Variants in CDK19 observed in about 807,000 individuals in gnomAD.
CDK19 encodes the protein cyclin dependent kinase 19.
In CDK19, 20 loss-of-function variants were observed where a neutral mutation model predicts 68.3. The observed-to-expected ratio is 0.29, with a 90% CI of 0.21 to 0.43. The LOEUF (loss-of-function observed/expected upper bound fraction) is 0.43. Among genes scored for constraint, CDK19 ranks in the 20% least tolerant of loss-of-function variants. The probability of loss-of-function intolerance (pLI) is 1.00; values close to 1 mark genes in which losing one functional copy is unlikely to be tolerated. For synonymous variants in CDK19, 221 were observed against 222.8 expected, an observed-to-expected ratio of 0.99 and a Z score of 0.07; for missense variants, 339 against 623.5, an observed-to-expected ratio of 0.54 and a Z score of 4.86.
At chr6:110,694,185 A>G (rs986161849) in intron 2 of CDK19, among the ~76,000 whole-genome samples, 4 of 152,192 alleles carry the variant, frequency 2.6e-5, no homozygotes, top group Admixed American at 1.3e-4. Flanking sequence ...GCTCCACTTG[A>G]AAGATACAGG....
chr6:110,760,396 C>CA (rs34613571), intron 1 of CDK19, among the ~76,000 whole-genome samples: 7,088 of 39,242 alleles, frequency 0.18, 878 homozygotes, highest in Non-Finnish European at 0.2. Context: ...GGCTTTGTCT[C>CA]AAAAAAAAAA....
chr6:110,805,442 T>C (rs1222206342), intron 1 of CDK19, among the ~76,000 whole-genome samples: 3 of 152,174 alleles, frequency 2.0e-5, no homozygotes, highest in Non-Finnish European at 4.4e-5. Context: ...AAATCTTCTA[T>C]ATTGTCATCT....
chr6:110,668,552 G>A (rs753936812), intron 3 of CDK19, among the ~76,000 whole-genome samples: 1 of 152,146 alleles, frequency 6.6e-6, no homozygotes, highest in African/African-American at 2.4e-5. Flanking sequence ...TAAAAAAGAG[G>A]CTGGGTGTGG....
At chr6:110,795,061 C>T (rs567980468) in intron 1 of CDK19, among the ~76,000 whole-genome samples, 121 of 152,228 alleles carry the variant, frequency 7.9e-4, no homozygotes, top group South Asian at 1.5e-3. Context: ...CCTCAACTTT[C>T]CCTGGCTCAG....
At chr6:110,759,404 TAAAAAAAAAAAAAA>T (rs1157889434) in intron 1 of CDK19, among the ~76,000 whole-genome samples, 13 of 57,214 alleles carry the variant, frequency 2.3e-4, no homozygotes, top group African/African-American at 9.9e-4. Context: ...GACTCCGTCT[TAAAAAAAAAAAAAA>T]AAAAAAAAAA....
intron 1 of CDK19, among the ~76,000 whole-genome samples, chr6:110,812,182 G>A (rs1253531231): frequency 1.3e-5 from 2 of 151,500 alleles, no homozygotes; most frequent in African/African-American, 2.4e-5. Flanking sequence ...GTGCAGTGGC[G>A]GGATCTCGGC....
intron 2 of CDK19, among the ~76,000 whole-genome samples, chr6:110,717,075 C>T (rs745646122): frequency 6.6e-6 from 1 of 152,104 alleles, no homozygotes; most frequent in Non-Finnish European, 1.5e-5. Flanking sequence ...CAGGTTGGGG[C>T]TGAGATCATG....
intron 1 of CDK19, among the ~76,000 whole-genome samples, chr6:110,747,207 T>C (rs1344776384): frequency 6.6e-6 from 1 of 152,216 alleles, no homozygotes; most frequent in Non-Finnish European, 1.5e-5. Context: ...ATTCTATGTT[T>C]ACCTGCAGAT....
intron 2 of CDK19, among the ~76,000 whole-genome samples, chr6:110,715,516 A>C (rs1418714330): frequency 2.0e-5 from 3 of 151,746 alleles, no homozygotes; most frequent in Admixed American, 2.0e-4. Flanking sequence ...TTTTGAGACT[A>C]GTCGCTCTGT....
intron 2 of CDK19, among the ~76,000 whole-genome samples, chr6:110,672,841 T>C (rs1771138874): frequency 6.6e-6 from 1 of 152,058 alleles, no homozygotes; most frequent in Non-Finnish European, 1.5e-5. Flanking sequence ...AAGAAAAAAA[T>C]AAAAATAATA....
chr6:110,667,583 T>TAA lies in CDK19; in HGVS notation c.316-11_316-10dup. On this transcript the variant is annotated splice_polypyrimidine_tract_variant and intron_variant, in intron 3 of 12. Coordinates refer to ENST00000368911, the MANE Select transcript of CDK19 (RefSeq NM_015076.5). ...TGAAACTTAATAATATGCTAAAAATTAAAAAAAAACATAATAATATAGTCT... is the reference window on the plus strand; with the variant it reads ...TGAAACTTAATAATATGCTAAAAATTAAAAAAAAAAACATAATAATATAGTCT... 1.4e-6 allele frequency: 2 copies of TAA among 1,428,734 alleles called. No individual in the cohort carries two copies. The highest frequency in any genetic ancestry group is 9.5e-7 in the Non-Finnish European group (1 of 1,050,838). 88.5% of individuals were successfully genotyped at this position (1,428,734 alleles called of 1,614,324 possible). A position where few individuals can be genotyped will look rare whatever the true frequency, so the allele number is the denominator to read the frequency against.
chr6:110,785,851 A>G (rs933414166), intron 1 of CDK19, among the ~76,000 whole-genome samples: 4 of 152,084 alleles, frequency 2.6e-5, no homozygotes, highest in African/African-American at 9.7e-5. Context: ...GTGCTGGCAC[A>G]TGCCTGTAAT....
At chr6:110,774,546 G>A (rs914090103) in intron 1 of CDK19, among the ~76,000 whole-genome samples, 11 of 152,274 alleles carry the variant, frequency 7.2e-5, no homozygotes, top group African/African-American at 1.4e-4. Flanking sequence ...TTTGAAACAC[G>A]AAATCTTTAT....
intron 1 of CDK19, among the ~76,000 whole-genome samples, chr6:110,757,036 G>C (rs866701430): frequency 5.9e-5 from 9 of 152,162 alleles, no homozygotes; most frequent in African/African-American, 2.2e-4. Context: ...ATAGTGGTCA[G>C]TGCAACCAAA....
Position 110,621,293 on chromosome 6 carries a change from G to C in CDK19, c.1188C>G (p.Pro396=). The change falls in exon 12 of 13, where the codon CCC becomes CCG. Residue 396 remains proline (P), a synonymous_variant. Transcript: ENST00000368911. The surrounding 1 kb of genome is among the most constrained non-coding windows in gnomAD (Gnocchi z 5.4). Reference sequence around the variant, plus strand: ...TCTGGGTGCTGTTCTGCTGTGGTGGGGGCGCCTGTGGAGGGGCTGCTGCCT... The same window carrying C: ...TCTGGGTGCTGTTCTGCTGTGGTGGCGGCGCCTGTGGAGGGGCTGCTGCCT... ...PQQAAAPPQA[P]PPQQNSTQTN... is the part of the protein sequence containing the mutation. 6.2e-7 allele frequency: 1 copy of C among 1,610,142 alleles called. No individual in the cohort carries two copies. Among genetic ancestry groups the C allele is most frequent in the Non-Finnish European group, 8.5e-7 (1 of 1,177,844 alleles).
intron 6 of CDK19, among the ~76,000 whole-genome samples, chr6:110,630,505 C>T (rs1779370669): frequency 6.6e-6 from 1 of 152,188 alleles, no homozygotes. Context: ...ACAGAAAAAA[C>T]AAACTTATGA....
intron 1 of CDK19, among the ~76,000 whole-genome samples, chr6:110,790,050 T>C (rs1781485422): frequency 1.3e-5 from 2 of 152,214 alleles, no homozygotes; most frequent in Admixed American, 6.5e-5. Flanking sequence ...TAGCTATTCA[T>C]GTACTCAGCA....
At chr6:110,617,005 C>T (rs1438089551) in intron 12 of CDK19, among the ~76,000 whole-genome samples, 1 of 152,110 alleles carries the variant, frequency 6.6e-6, no homozygotes, top group Admixed American at 6.5e-5. Context: ...AGCCTTGAAA[C>T]TCTACTAATG....
chr6:110,684,661 A>T (rs923345894), intron 2 of CDK19, among the ~76,000 whole-genome samples: 5 of 152,140 alleles, frequency 3.3e-5, no homozygotes, highest in Non-Finnish European at 7.4e-5. Flanking sequence ...TCTAGCCCTA[A>T]TGTCACTCCT....
Sources: gnomAD v4.1 joint callset for allele counts (sites outside exome capture counted in the v4.1 genomes callset) on GRCh38, gnomAD v4.1.1 for gene constraint, Gnocchi (gnomAD v3.1) non-coding constraint, MANE v1.5 for transcripts, NCBI Gene and HGNC (gene_info 2026-07-23, HGNC 2026-07-21) for gene names.